ZNF541: variants seen among roughly 807,000 people sequenced by gnomAD.
ZNF541 encodes the protein zinc finger protein 541.
In ZNF541, 23 loss-of-function variants were observed where a neutral mutation model predicts 123.5. That is an observed-to-expected ratio of 0.19 (90% CI 0.13 to 0.26). The LOEUF (loss-of-function observed/expected upper bound fraction) is 0.26, where lower values mean the gene tolerates loss of function less well. Ranked by LOEUF, ZNF541 falls within the 10% of genes least tolerant of loss-of-function variation. The probability of loss-of-function intolerance (pLI) is 1.00; values close to 1 mark genes in which losing one functional copy is unlikely to be tolerated. For synonymous variants in ZNF541, 751 were observed against 754.5 expected (o/e 1.00, Z 0.08); for missense variants, 1,612 against 1,789.9 (o/e 0.90, Z 1.79).
In ZNF541 at chr19:47,521,244, T is replaced by C. The variant is rs1407951572; in HGVS notation, c.4021A>G (p.Ile1341Val). 84 of 1,551,594 alleles carry C rather than the reference T, an allele frequency of 5.4e-5. No homozygotes were observed. Among genetic ancestry groups the C allele is most frequent in the Non-Finnish European group, 7.1e-5 (81 of 1,146,994 alleles). Reference sequence around the variant, plus strand: ...GGGAGTCACCACTGCAGGGGGCCGATGTCAGCTCCCAGCTCCTCTTCCTTT... The same window carrying C: ...GGGAGTCACCACTGCAGGGGGCCGACGTCAGCTCCCAGCTCCTCTTCCTTT... ...QLKEEELGAD[I>V]GPLQW Residue 1341 changes from isoleucine (I) to valine (V), a missense_variant, in exon 17 of 17, where the codon ATC (isoleucine) becomes GTC (valine). Ile to Val is a conservative substitution (Grantham distance 29). Transcript: ENST00000391901. The surrounding 1 kb of genome is among the most constrained non-coding windows in gnomAD (Gnocchi z 4.2).
chr19:47,554,816 G>T (rs559838201), intron 3 of ZNF541, among the ~76,000 whole-genome samples: 1 of 152,192 alleles, frequency 6.6e-6, no homozygotes, highest in African/African-American at 2.4e-5. Context: ...ATTGGGGGCC[G>T]AGTGTGGTGG....
intron 3 of ZNF541, among the ~76,000 whole-genome samples, chr19:47,553,866 G>C: frequency 6.6e-6 from 1 of 152,278 alleles, no homozygotes; most frequent in South Asian, 2.1e-4. Context: ...TTAATGCTCC[G>C]TCTGGGTAAA....
chr19:47,521,933 T>G lies in ZNF541; in HGVS notation c.3632A>C (p.Lys1211Thr). ...EYYYIWKKMI[K>T]FDCGRAPGLE... The stretch of plus-strand genomic sequence containing the variant: ...CCCTGGGGCTCGGCCACAGTCAAAC[T>G]TGATCATTTTTTTCCAGATGTAATA... The change falls in exon 15 of 17, where the codon AAG becomes ACG. Residue 1211 changes from lysine (K) to threonine (T), a missense_variant. Lys to Thr is a moderately conservative substitution (Grantham distance 78). Coordinates refer to ENST00000391901, the MANE Select transcript of ZNF541 (RefSeq NM_001277075.3). The surrounding 1 kb of genome is among the most constrained non-coding windows in gnomAD (Gnocchi z 4.2). 1 of 1,551,904 alleles carries G rather than the reference T, an allele frequency of 6.4e-7. No homozygotes were observed. The highest frequency in any genetic ancestry group is 8.7e-7 in the Non-Finnish European group (1 of 1,147,038).
chr19:47,529,744 G>C, intron 12 of ZNF541, 92 bp from the exon 13 acceptor site: 1 of 1,238,950 alleles, frequency 8.1e-7, no homozygotes, highest in Non-Finnish European at 1.1e-6. Flanking sequence ...ACTTGCGGCT[G>C]TCCCTGAAGA....
chr19:47,540,864 C>T (rs376151943), intron 6 of ZNF541, 29 bp downstream of exon 6: 43 of 1,549,684 alleles, frequency 2.8e-5, no homozygotes, highest in Non-Finnish European at 3.7e-5. Flanking sequence ...TGCCAGGGTG[C>T]ATGCAGGATC....
At chr19:47,551,038 TGTC>T (rs1302078758) in intron 3 of ZNF541, among the ~76,000 whole-genome samples, 3 of 150,982 alleles carry the variant, frequency 2.0e-5, no homozygotes, top group Non-Finnish European at 4.4e-5. Context: ...TGGATTAGAC[TGTC>T]TTTTTTTTTT....
chr19:47,571,340 C>T (rs1333318324), intron 2 of ZNF541, among the ~76,000 whole-genome samples: 2 of 152,154 alleles, frequency 1.3e-5, no homozygotes, highest in Non-Finnish European at 2.9e-5. Flanking sequence ...TCTCAAACTC[C>T]TCAGCCGCCT....
At position 47,544,939 on chromosome 19, in the gene ZNF541, G is replaced by C. The variant is rs1329286673; in HGVS notation, c.1590C>G (p.Leu530=). Residue 530 remains leucine, a synonymous_variant, in exon 5 of 17, where the codon CTC becomes CTG. Transcript: ENST00000391901. Reference sequence around the variant, plus strand: ...GGAAGAGCGGCGAGGCATCCGCAGGGAGCCCGCCTGCCTTCTGGGCCTCCT... The same window carrying C: ...GGAAGAGCGGCGAGGCATCCGCAGGCAGCCCGCCTGCCTTCTGGGCCTCCT... The part of the protein sequence containing the change: ...GLQEAQKAGG[L]PADASPLFRQ... 5.9e-6 allele frequency: 9 copies of C among 1,535,342 alleles called. No homozygotes were observed. In the South Asian group the frequency reaches 1.1e-4, roughly 18 times the overall value.
chr19:47,565,133 C>T (rs1971212857), intron 2 of ZNF541, among the ~76,000 whole-genome samples: 1 of 150,208 alleles, frequency 6.7e-6, no homozygotes, highest in Non-Finnish European at 1.5e-5. Flanking sequence ...AAGAATGATA[C>T]AATGGACTTT....
At chr19:47,568,321 C>A (rs557223157) in intron 2 of ZNF541, among the ~76,000 whole-genome samples, 1 of 152,140 alleles carries the variant, frequency 6.6e-6, no homozygotes, top group South Asian at 2.1e-4. Flanking sequence ...AGCTTTCACC[C>A]TAGCTATGCA....
chr19:47,559,371 CA>C (rs566800465), intron 2 of ZNF541, among the ~76,000 whole-genome samples: 1 of 145,914 alleles, frequency 6.9e-6, no homozygotes. Flanking sequence ...AACTCTATCT[CA>C]AAAAAAAGAA....
At chr19:47,565,998 G>A (rs775738027) in intron 2 of ZNF541, among the ~76,000 whole-genome samples, 7 of 152,040 alleles carry the variant, frequency 4.6e-5, no homozygotes, top group East Asian at 3.9e-4. Flanking sequence ...CCAACATGGC[G>A]AAACCCCGTC....
intron 13 of ZNF541, among the ~76,000 whole-genome samples, chr19:47,529,336 TG>T (rs1969455440): frequency 6.6e-6 from 1 of 152,096 alleles, no homozygotes. Flanking sequence ...CCCCTGGCCA[TG>T]ATCATTCCCC....
At chr19:47,569,865 G>A (rs1400277474) in intron 2 of ZNF541, among the ~76,000 whole-genome samples, 2 of 144,050 alleles carry the variant, frequency 1.4e-5, no homozygotes, top group African/African-American at 5.7e-5. Flanking sequence ...GGCAAACAGC[G>A]AAACCCTGTC....
intron 2 of ZNF541, among the ~76,000 whole-genome samples, chr19:47,570,326 C>G (rs1029018699): frequency 1.3e-5 from 2 of 150,530 alleles, no homozygotes; most frequent in Non-Finnish European, 3.0e-5. Context: ...GCCTGTAATC[C>G]CAGCACTTTG....
At position 47,545,783 on chromosome 19, in the gene ZNF541, G is replaced by A. The variant is rs751903947; in HGVS notation, c.746C>T (p.Pro249Leu). 4 of 1,540,842 alleles carry A rather than the reference G, an allele frequency of 2.6e-6. No individual in the cohort carries two copies. Among genetic ancestry groups the A allele is most frequent in the Admixed American group, 2.0e-5 (1 of 50,692 alleles). The change falls in exon 5 of 17, where the codon CCG becomes CTG. Residue 249 changes from proline (P) to leucine (L), a missense_variant. Coordinates refer to ENST00000391901, the MANE Select transcript of ZNF541 (RefSeq NM_001277075.3). The surrounding 1 kb of genome is among the most constrained non-coding windows in gnomAD (Gnocchi z 7.5). ...SPHAHESAGQPPPSSLRSLVP... is the reference protein window; with the variant it reads ...SPHAHESAGQLPPSSLRSLVP... ...CAGGGACCGCAGGCTGCTGGGGGGC[G>A]GCTGGCCGGCCGACTCGTGGGCGTG...
At position 47,520,887 on chromosome 19, in the gene ZNF541, A is replaced by G. The variant is rs1968993076; in HGVS notation, c.*337T>C. 1 of 246,598 alleles carries G rather than the reference A, an allele frequency of 4.1e-6. No individual in the cohort carries two copies. The highest frequency in any genetic ancestry group is 8.9e-5 in the South Asian group (1 of 11,260). The allele number at this position is 246,598 out of a possible 1,614,324, so 15.3% of individuals were successfully genotyped here. ...GGCCTTATCTAACACATGAAACCAA[A>G]CCCCACAACTGAGGCTAAGATTTAA... On this transcript the variant is annotated 3_prime_UTR_variant, in exon 17 of 17. Coordinates refer to ENST00000391901, the MANE Select transcript of ZNF541 (RefSeq NM_001277075.3).
At chr19:47,527,895 C>A (rs1969371443) in intron 14 of ZNF541, among the ~76,000 whole-genome samples, 1 of 150,066 alleles carries the variant, frequency 6.7e-6, no homozygotes, top group Admixed American at 6.6e-5. Flanking sequence ...GACAGGGTTT[C>A]TCCATGTTGG....
intron 4 of ZNF541, among the ~76,000 whole-genome samples, chr19:47,547,296 A>G (rs769752309): frequency 6.6e-6 from 1 of 152,106 alleles, no homozygotes; most frequent in Non-Finnish European, 1.5e-5. Context: ...CAGAGGCCCA[A>G]TCCATAGAAA....
Sources: allele counts gnomAD v4.1 joint callset (sites outside exome capture counted in the v4.1 genomes callset), GRCh38; gene constraint gnomAD v4.1.1; non-coding constraint Gnocchi (gnomAD v3.1); transcripts MANE v1.5; gene names NCBI Gene and HGNC (gene_info 2026-07-23, HGNC 2026-07-21).